PTPRT: variants seen among roughly 807,000 people sequenced by gnomAD.
The protein encoded by PTPRT is receptor-type tyrosine-protein phosphatase T.
A neutral mutation model predicts 176.8 loss-of-function variants in PTPRT; 56 were observed. The observed-to-expected ratio is 0.32, with a 90% CI of 0.26 to 0.40. PTPRT has a LOEUF of 0.40. Ranked by LOEUF, PTPRT falls within the 10% of genes least tolerant of loss-of-function variation. The pLI is 1.00. For synonymous variants in PTPRT, 783 were observed against 739.0 expected (o/e 1.06, Z -0.96); for missense variants, 1,540 against 1,908.2 (o/e 0.81, Z 3.60).
At chr20:42,287,580 G>A (rs1211549811) in intron 12 of PTPRT, among the ~76,000 whole-genome samples, 1 of 151,726 alleles carries the variant, frequency 6.6e-6, no homozygotes, top group African/African-American at 2.4e-5. Flanking sequence ...GTTAGGAAGT[G>A]GAGAGAGAGA....
At chr20:42,294,261 A>G (rs968757524) in intron 12 of PTPRT, among the ~76,000 whole-genome samples, 5 of 152,182 alleles carry the variant, frequency 3.3e-5, no homozygotes, top group Non-Finnish European at 7.3e-5. Context: ...TTCCTGGTAG[A>G]TCAAAACTAA....
At chr20:43,170,137 A>G (rs1299423402) in intron 1 of PTPRT, among the ~76,000 whole-genome samples, 2 of 151,712 alleles carry the variant, frequency 1.3e-5, no homozygotes, top group East Asian at 3.9e-4. Flanking sequence ...CCACTCTTAA[A>G]TTAGGAATTT....
intron 9 of PTPRT, among the ~76,000 whole-genome samples, chr20:42,401,606 CCTT>C (rs2058908006): frequency 6.6e-6 from 1 of 152,164 alleles, no homozygotes; most frequent in African/African-American, 2.4e-5. Context: ...GATTCAAACA[CCTT>C]CTCTGCAGCT....
chr20:42,918,079 G>A (rs1978898069), intron 1 of PTPRT, among the ~76,000 whole-genome samples: 1 of 152,028 alleles, frequency 6.6e-6, no homozygotes, highest in Non-Finnish European at 1.5e-5. Flanking sequence ...ATCTCCTTCT[G>A]AGTTCTTGTC....
At chr20:42,934,776 A>T (rs1980068398) in intron 1 of PTPRT, among the ~76,000 whole-genome samples, 1 of 152,122 alleles carries the variant, frequency 6.6e-6, no homozygotes, top group Admixed American at 6.5e-5. Context: ...TGCTAGCAAG[A>T]TGAAAGCCAT....
intron 1 of PTPRT, among the ~76,000 whole-genome samples, chr20:43,126,867 G>A (rs1336168617): frequency 6.6e-6 from 1 of 152,142 alleles, no homozygotes; most frequent in Non-Finnish European, 1.5e-5. Flanking sequence ...TCCATAGAGT[G>A]CTTCTTCTCA....
chr20:43,111,546 G>GAAAAAAA (rs11424029), intron 1 of PTPRT, among the ~76,000 whole-genome samples: 1 of 83,456 alleles, frequency 1.2e-5, no homozygotes, highest in Non-Finnish European at 2.3e-5. Flanking sequence ...TCCGTCTCAG[G>GAAAAAAA]AAAAAAAAAA....
At chr20:42,508,987 T>C (rs1172788921) in intron 7 of PTPRT, among the ~76,000 whole-genome samples, 55 of 127,320 alleles carry the variant, frequency 4.3e-4, no homozygotes, top group Middle Eastern at 9.3e-3. Context: ...TAATTTATAT[T>C]TAATTTATAG....
At chr20:42,458,751 ATCT>A (rs1223533983) in intron 8 of PTPRT, among the ~76,000 whole-genome samples, 2 of 152,252 alleles carry the variant, frequency 1.3e-5, no homozygotes, top group African/African-American at 4.8e-5. Flanking sequence ...GCTTTCTACG[ATCT>A]TCTTCTGATT....
chr20:42,761,349 G>A (rs968629873), intron 5 of PTPRT, among the ~76,000 whole-genome samples: 7 of 151,818 alleles, frequency 4.6e-5, no homozygotes, highest in South Asian at 2.1e-4. Context: ...AAGGAGAATC[G>A]CTTCAACCCG....
intron 12 of PTPRT, among the ~76,000 whole-genome samples, chr20:42,295,740 C>T (rs2145284988): frequency 6.6e-6 from 1 of 152,266 alleles, no homozygotes; most frequent in East Asian, 1.9e-4. Flanking sequence ...TGTCTCCACC[C>T]AAATCTCATC....
At chr20:42,812,551 T>G (rs889091141) in intron 2 of PTPRT, among the ~76,000 whole-genome samples, 7 of 152,146 alleles carry the variant, frequency 4.6e-5, no homozygotes, top group African/African-American at 1.7e-4. Context: ...ACACTGCTGG[T>G]GAGTAGGTAA....
intron 9 of PTPRT, among the ~76,000 whole-genome samples, chr20:42,447,538 T>G (rs1289113023): frequency 1.3e-5 from 2 of 152,208 alleles, no homozygotes; most frequent in Non-Finnish European, 2.9e-5. Flanking sequence ...TACTTGAATC[T>G]TAGCTATATC....
chr20:42,607,990 A>C (rs1413525582), intron 7 of PTPRT, among the ~76,000 whole-genome samples: 3 of 152,212 alleles, frequency 2.0e-5, no homozygotes, highest in African/African-American at 7.2e-5. Flanking sequence ...CTTACAGAGC[A>C]TCTTCATGTG....
chr20:42,547,619 A>C (rs183486259), intron 7 of PTPRT, among the ~76,000 whole-genome samples: 70 of 152,220 alleles, frequency 4.6e-4, no homozygotes, highest in African/African-American at 1.6e-3. Context: ...TTAACTTGTT[A>C]AAGGTTATAC....
intron 1 of PTPRT, among the ~76,000 whole-genome samples, chr20:42,936,416 T>C (rs1220620988): frequency 1.3e-5 from 2 of 152,168 alleles, no homozygotes; most frequent in East Asian, 3.8e-4. Context: ...GTAGTAGGAA[T>C]ACGTGAACAG....
intron 2 of PTPRT, among the ~76,000 whole-genome samples, chr20:42,805,756 T>C: frequency 6.6e-6 from 1 of 152,198 alleles, no homozygotes; most frequent in East Asian, 1.9e-4. Context: ...CTATGAATGG[T>C]GTATTTTCTG....
intron 1 of PTPRT, among the ~76,000 whole-genome samples, chr20:42,988,426 T>C (rs190664742): frequency 3.0e-3 from 451 of 152,288 alleles, no homozygotes; most frequent in Non-Finnish European, 4.9e-3. Flanking sequence ...GCTCCACGGG[T>C]CTGCTCTCTC....
intron 7 of PTPRT, among the ~76,000 whole-genome samples, chr20:42,506,451 C>A (rs981283496): frequency 3.9e-5 from 6 of 152,042 alleles, no homozygotes; most frequent in Non-Finnish European, 8.8e-5. Flanking sequence ...CTGATGCTTT[C>A]CAGTTGAATC....
Sources: allele counts gnomAD v4.1 joint callset (sites outside exome capture counted in the v4.1 genomes callset), GRCh38; gene constraint gnomAD v4.1.1; transcripts MANE v1.5; gene names NCBI Gene and HGNC (gene_info 2026-07-23, HGNC 2026-07-21).